UPF2: variants seen among roughly 807,000 people sequenced by gnomAD.
The protein encoded by UPF2 is UPF2 regulator of nonsense mediated mRNA decay, also known as regulator of nonsense transcripts 2.
In UPF2, 17 loss-of-function variants were observed where a neutral mutation model predicts 141.4. The ratio of observed to expected loss-of-function variants is 0.12; its 90% CI spans 0.08 to 0.18. The LOEUF (loss-of-function observed/expected upper bound fraction) is 0.18. Among genes scored for constraint, UPF2 ranks in the 10% least tolerant of loss-of-function variants. The pLI, the probability that UPF2 is intolerant of heterozygous loss-of-function variation, is 1.00. For missense variants in UPF2, 1,152 were observed against 1,515.9 expected (o/e 0.76, Z 3.99); for synonymous variants, 540 against 498.0 (o/e 1.08, Z -1.12).
intron 1 of UPF2, among the ~76,000 whole-genome samples, chr10:12,041,418 TG>T (rs1480640367): frequency 6.6e-6 from 1 of 151,628 alleles, no homozygotes; most frequent in Non-Finnish European, 1.5e-5. Context: ...TCCTGTCACT[TG>T]AACTGTATAT....
chr10:12,034,372 G>C (rs1435309399), intron 2 of UPF2, among the ~76,000 whole-genome samples: 1 of 151,802 alleles, frequency 6.6e-6, no homozygotes, highest in Non-Finnish European at 1.5e-5. Flanking sequence ...GCCCAGGCAG[G>C]AGTGCAGTGG....
intron 9 of UPF2, among the ~76,000 whole-genome samples, chr10:11,969,733 C>G (rs1265719427): frequency 1.3e-5 from 2 of 152,144 alleles, no homozygotes; most frequent in Non-Finnish European, 2.9e-5. Context: ...ATTGAGTGTG[C>G]ACTGTGGACC....
chr10:11,984,439 T>C (rs1833653363), intron 8 of UPF2, among the ~76,000 whole-genome samples: 1 of 152,208 alleles, frequency 6.6e-6, no homozygotes, highest in African/African-American at 2.4e-5. Flanking sequence ...TCTATTTTGA[T>C]TTTTCCAGGA....
chr10:12,012,958 G>T (rs1315913841), intron 4 of UPF2, among the ~76,000 whole-genome samples: 3 of 151,720 alleles, frequency 2.0e-5, no homozygotes, highest in Non-Finnish European at 4.4e-5. Context: ...GAGAAACATG[G>T]TAAAACCTTG....
intron 5 of UPF2, among the ~76,000 whole-genome samples, chr10:12,002,208 C>A (rs1188775310): frequency 2.0e-5 from 3 of 152,076 alleles, no homozygotes; most frequent in Non-Finnish European, 2.9e-5. Flanking sequence ...GAGGTGGAGA[C>A]TGCAGTGAGC....
intron 21 of UPF2, among the ~76,000 whole-genome samples, chr10:11,925,795 G>GCAGCAGGAGAAAGAA (rs1832705713): frequency 6.6e-6 from 1 of 152,206 alleles, no homozygotes; most frequent in Non-Finnish European, 1.5e-5. Flanking sequence ...CAGCTAGGCT[G>GCAGCAGGAGAAAGAA]CAGCAGGAGA....
chr10:11,932,341 T>C (rs1230001865), intron 19 of UPF2, among the ~76,000 whole-genome samples: 1 of 152,000 alleles, frequency 6.6e-6, no homozygotes, highest in Non-Finnish European at 1.5e-5. Context: ...ATGGTACTAA[T>C]CACAATAATA....
At position 12,028,866 on chromosome 10, in the gene UPF2, C is replaced by G. The variant is rs1834465927; in HGVS notation, c.1024G>C (p.Glu342Gln). ...EKFNLSFPPS[E>Q]IISPEKQQPF... Reference sequence around the variant, plus strand: ...TGTTGTTTCTCTGGACTAATTATCTCACTAGGAGGAAAACTCAAATTAAAC... The same window carrying G: ...TGTTGTTTCTCTGGACTAATTATCTGACTAGGAGGAAAACTCAAATTAAAC... Residue 342 changes from glutamate to glutamine, a missense_variant, in exon 3 of 22, where the codon GAG becomes CAG. By Grantham distance (29) the Glu-to-Gln change is conservative (BLOSUM62 2). Coordinates refer to ENST00000357604, the MANE Select transcript of UPF2 (RefSeq NM_015542.4). 1.9e-6 allele frequency: 3 copies of G among 1,614,144 alleles called. No homozygotes were observed. The East Asian group carries it at 6.7e-5, about 36-fold the overall frequency.
At chr10:11,967,758 T>C (rs1260513034) in intron 9 of UPF2, among the ~76,000 whole-genome samples, 2 of 152,094 alleles carry the variant, frequency 1.3e-5, no homozygotes, top group Non-Finnish European at 2.9e-5. Context: ...TTTCATCATG[T>C]TGGCCAGGCT....
At chr10:12,002,088 T>C (rs981154331) in intron 5 of UPF2, among the ~76,000 whole-genome samples, 7 of 152,072 alleles carry the variant, frequency 4.6e-5, no homozygotes, top group African/African-American at 1.7e-4. Context: ...CTGACCAACA[T>C]GGTGAAACCC....
chr10:12,027,120 C>T (rs1834432854), intron 3 of UPF2, among the ~76,000 whole-genome samples: 1 of 152,056 alleles, frequency 6.6e-6, no homozygotes, highest in Admixed American at 6.6e-5. Context: ...AGTTAAATTT[C>T]CACCTGATGT....
chr10:12,021,433 G>A (rs1284247246), intron 3 of UPF2, among the ~76,000 whole-genome samples: 2 of 152,054 alleles, frequency 1.3e-5, no homozygotes, highest in Non-Finnish European at 2.9e-5. Flanking sequence ...CAGCGACTTG[G>A]GAGGCTGAGG....
chr10:11,940,438 A>C lies in UPF2; in HGVS notation c.3378+2227T>G, dbSNP rs1257944555. Reference sequence around the variant, plus strand: ...GCTTTCAATATACTCTACCCATCACATTTCTGTTTTCACTCCACGTAACCT... The same window carrying C: ...GCTTTCAATATACTCTACCCATCACCTTTCTGTTTTCACTCCACGTAACCT... On this transcript the variant is annotated intron_variant, in intron 18 of 21. Transcript: ENST00000357604. The surrounding 1 kb of genome is among the most constrained non-coding windows in gnomAD (Gnocchi z 4.2). Among the ~76,000 whole-genome samples, 1 of 152,028 alleles carries C rather than the reference A, an allele frequency of 6.6e-6. No individual in the cohort carries two copies. Among genetic ancestry groups the C allele is most frequent in the African/African-American group, 2.4e-5 (1 of 41,380 alleles).
chr10:12,031,192 A>AC (rs1210534077), intron 2 of UPF2, among the ~76,000 whole-genome samples: 11 of 131,392 alleles, frequency 8.4e-5, no homozygotes, highest in African/African-American at 2.9e-4. Flanking sequence ...AAAAAAAAAC[A>AC]AAACAGTTTT....
rs7893263 is a variant in UPF2 at position 12,014,354 on chromosome 10, T to A, written c.1146-170A>T. ...TTCAAAATGTATCTGAAATGTATAA[T>A]GAAATTCACCTGAACATTTAAATTT... On this transcript the variant is annotated intron_variant, in intron 3 of 21. Coordinates refer to ENST00000357604, the MANE Select transcript of UPF2 (RefSeq NM_015542.4). The surrounding 1 kb of genome is among the most constrained non-coding windows in gnomAD (Gnocchi z 5.0). Among the ~76,000 whole-genome samples the A allele has an allele frequency of 0.052, 7,960 of 152,314 alleles. 279 individuals are homozygous for A. The highest frequency in any genetic ancestry group is 0.08 in the Non-Finnish European group (5,443 of 68,022).
intron 4 of UPF2, among the ~76,000 whole-genome samples, chr10:12,013,278 T>C (rs908661697): frequency 3.7e-4 from 47 of 126,368 alleles, no homozygotes; most frequent in African/African-American, 1.3e-3. Context: ...ACCCCTAAAA[T>C]TTTTTTTTTT....
chr10:11,957,985 T>TC (rs113185602), intron 12 of UPF2, among the ~76,000 whole-genome samples: 17 of 152,292 alleles, frequency 1.1e-4, no homozygotes, highest in African/African-American at 3.8e-4. Context: ...AGTACTTACT[T>TC]CCTAGTTTAT....
chr10:12,005,062 G>A (rs968078380), intron 4 of UPF2, among the ~76,000 whole-genome samples: 3 of 151,078 alleles, frequency 2.0e-5, no homozygotes, highest in Non-Finnish European at 2.9e-5. Flanking sequence ...ATATAAGCCT[G>A]GCCACTCCTA....
At chr10:11,937,006 TC>T (rs1467370541) in intron 18 of UPF2, among the ~76,000 whole-genome samples, 1 of 152,164 alleles carries the variant, frequency 6.6e-6, no homozygotes, top group African/African-American at 2.4e-5. Context: ...TTCTACCAAA[TC>T]CCCCTGCTCC....
Sources: allele counts gnomAD v4.1 joint callset (sites outside exome capture counted in the v4.1 genomes callset), GRCh38; gene constraint gnomAD v4.1.1; non-coding constraint Gnocchi (gnomAD v3.1); transcripts MANE v1.5; gene names NCBI Gene and HGNC (gene_info 2026-07-23, HGNC 2026-07-21).